CNBD1: variants seen among roughly 807,000 people sequenced by gnomAD.
CNBD1 encodes the protein cyclic nucleotide binding domain containing 1.
A neutral mutation model predicts 54.4 loss-of-function variants in CNBD1; 71 were observed. The ratio of observed to expected loss-of-function variants is 1.30; its 90% CI spans 1.08 to 1.59. The LOEUF is 1.59. Among genes scored for constraint, CNBD1 ranks in the 40% most tolerant of loss-of-function variants. The pLI is 0.00. For missense variants in CNBD1, 659 were observed against 518.0 expected (o/e 1.27, Z -2.64); for synonymous variants, 182 against 170.7 (o/e 1.07, Z -0.51).
chr8:87,410,238 T>C (rs1226363724), intron 2 of CNBD1, among the ~76,000 whole-genome samples: 1 of 152,130 alleles, frequency 6.6e-6, no homozygotes. Flanking sequence ...ACAACATTTA[T>C]TCTATAGCCC....
intron 4 of CNBD1, among the ~76,000 whole-genome samples, chr8:86,969,042 G>A (rs1808159083): frequency 6.6e-6 from 1 of 152,064 alleles, no homozygotes; most frequent in Non-Finnish European, 1.5e-5. Context: ...ATCTTATTTA[G>A]GAACAAAATG....
intron 10 of CNBD1, among the ~76,000 whole-genome samples, chr8:87,357,482 T>C (rs1810442625): frequency 6.6e-6 from 1 of 152,188 alleles, no homozygotes; most frequent in Admixed American, 6.5e-5. Context: ...TTTGGAGCTT[T>C]AAAATTTTAA....
At chr8:87,372,558 GA>G (rs1181145850) in intron 10 of CNBD1, among the ~76,000 whole-genome samples, 1 of 151,850 alleles carries the variant, frequency 6.6e-6, no homozygotes, top group Non-Finnish European at 1.5e-5. Flanking sequence ...TAAGTTCTTA[GA>G]AGATTATGAT....
At chr8:86,919,772 CTT>C (rs1224422429) in intron 3 of CNBD1, among the ~76,000 whole-genome samples, 1 of 152,164 alleles carries the variant, frequency 6.6e-6, no homozygotes, top group Non-Finnish European at 1.5e-5. Flanking sequence ...AGAAAGCTGA[CTT>C]TGCTGTCAAA....
rs192263124 is a variant in CNBD1 at position 87,374,268 on chromosome 8, A to G, written c.1304-8352A>G. On this transcript the variant is annotated intron_variant, in intron 10 of 10. Transcript: ENST00000518476. ...CTGTGCAATAGTGTTTTTCTTGGGTATTTCTGATATCAAATCCTTGTGGAT... is the reference window on the plus strand; with the variant it reads ...CTGTGCAATAGTGTTTTTCTTGGGTGTTTCTGATATCAAATCCTTGTGGAT... 3.9e-3 allele frequency among the ~76,000 whole-genome samples: 591 copies of G among 151,780 alleles called. 8 individuals carry two copies. Among genetic ancestry groups the G allele is most frequent in the African/African-American group, 0.013 (557 of 41,488 alleles).
intron 2 of CNBD1, among the ~76,000 whole-genome samples, chr8:87,419,787 A>T (rs777375947): frequency 6.6e-6 from 1 of 151,786 alleles, no homozygotes; most frequent in Admixed American, 6.6e-5. Context: ...GAATTCTATG[A>T]AAAATTTAAG....
intron 6 of CNBD1, among the ~76,000 whole-genome samples, chr8:87,256,045 C>G (rs1586367941): frequency 1.9e-5 from 1 of 53,856 alleles, no homozygotes; most frequent in African/African-American, 8.4e-5. Context: ...TTTTTTGAGA[C>G]AGGGTCTCAC....
At chr8:87,379,004 T>G (rs1811013523) in intron 10 of CNBD1, among the ~76,000 whole-genome samples, 1 of 149,662 alleles carries the variant, frequency 6.7e-6, no homozygotes, top group Non-Finnish European at 1.5e-5. Flanking sequence ...ACATTGATTT[T>G]GTAAACTGAG....
chr8:87,385,975 G>T (rs960533183), downstream of CNBD1, among the ~76,000 whole-genome samples: 5 of 152,130 alleles, frequency 3.3e-5, no homozygotes, highest in Non-Finnish European at 5.9e-5. Flanking sequence ...CCGCTGTTCT[G>T]CAGCCTCCAC....
At chr8:87,269,736 A>C (rs1385227608) in intron 6 of CNBD1, among the ~76,000 whole-genome samples, 1 of 152,088 alleles carries the variant, frequency 6.6e-6, no homozygotes, top group Non-Finnish European at 1.5e-5. Flanking sequence ...AATCCTGAAC[A>C]GACCAATAAC....
At chr8:87,329,259 C>A (rs1334403729) in intron 8 of CNBD1, among the ~76,000 whole-genome samples, 4 of 152,040 alleles carry the variant, frequency 2.6e-5, no homozygotes, top group Non-Finnish European at 5.9e-5. Flanking sequence ...TTACATTGAT[C>A]TATTTATCTA....
intron 8 of CNBD1, among the ~76,000 whole-genome samples, chr8:87,330,303 G>A (rs1403248034): frequency 6.2e-5 from 9 of 145,956 alleles, no homozygotes; most frequent in Non-Finnish European, 1.4e-4. Flanking sequence ...CCAGGTTTTG[G>A]TTTTGTTGAT....
intron 4 of CNBD1, among the ~76,000 whole-genome samples, chr8:87,010,239 T>C (rs79311332): frequency 0.012 from 1,885 of 152,266 alleles, 40 homozygotes; most frequent in African/African-American, 0.043. Flanking sequence ...GTACTTCAAA[T>C]GCATGTGTTA....
intron 4 of CNBD1, among the ~76,000 whole-genome samples, chr8:86,989,265 G>C (rs1808682557): frequency 6.6e-6 from 1 of 151,788 alleles, no homozygotes; most frequent in African/African-American, 2.4e-5. Flanking sequence ...CTGCAGCCCA[G>C]CCTGGGAGAC....
At chr8:87,275,609 C>A (rs1808462065) in intron 6 of CNBD1, among the ~76,000 whole-genome samples, 1 of 151,514 alleles carries the variant, frequency 6.6e-6, no homozygotes, top group Admixed American at 6.6e-5. Context: ...AACCCACAGC[C>A]AATATCATAC....
At chr8:86,969,141 A>T (rs1438752077) in intron 4 of CNBD1, among the ~76,000 whole-genome samples, 1 of 152,054 alleles carries the variant, frequency 6.6e-6, no homozygotes, top group Non-Finnish European at 1.5e-5. Context: ...TTCCTTTCAC[A>T]ACTTATTTAC....
chr8:87,401,590 T>A (rs1249948173), intron 2 of CNBD1, among the ~76,000 whole-genome samples: 4 of 152,086 alleles, frequency 2.6e-5, no homozygotes, highest in Non-Finnish European at 5.9e-5. Flanking sequence ...TTTTTACCAA[T>A]GATGCATATT....
intron 10 of CNBD1, among the ~76,000 whole-genome samples, chr8:87,380,413 A>G (rs1001060461): frequency 4.6e-5 from 7 of 151,956 alleles, no homozygotes; most frequent in African/African-American, 1.7e-4. Context: ...TGTTTTGATT[A>G]CTGTAGCTTT....
chr8:86,975,062 T>C (rs1464489909), intron 4 of CNBD1, among the ~76,000 whole-genome samples: 1 of 152,046 alleles, frequency 6.6e-6, no homozygotes, highest in Non-Finnish European at 1.5e-5. Context: ...CAAAATTACC[T>C]TAGTGTATAC....
Sources: allele counts gnomAD v4.1 joint callset (sites outside exome capture counted in the v4.1 genomes callset), GRCh38; gene constraint gnomAD v4.1.1; transcripts MANE v1.5; gene names NCBI Gene and HGNC (gene_info 2026-07-23, HGNC 2026-07-21).